The following RYR3 variants were observed in gnomAD, a reference collection of about 807,000 sequenced individuals.
RYR3 encodes the protein ryanodine receptor 3.
A neutral mutation model predicts 584.3 loss-of-function variants in RYR3; 207 were observed. The ratio of observed to expected loss-of-function variants is 0.35; its 90% confidence interval spans 0.32 to 0.40. The LOEUF is 0.40. Among genes scored for constraint, RYR3 ranks in the 10% least tolerant of loss-of-function variants. RYR3 has a pLI of 1.00. For missense variants in RYR3, 5,616 were observed against 6,089.2 expected, an observed-to-expected ratio of 0.92 and a Z score of 2.59; for synonymous variants, 2,416 against 2,248.5, an observed-to-expected ratio of 1.07 and a Z score of -2.11.
chr15:33,812,306 T>C (rs1395676386), intron 72 of RYR3, among the ~76,000 whole-genome samples: 1 of 151,848 alleles, frequency 6.6e-6, no homozygotes, highest in Non-Finnish European at 1.5e-5. Flanking sequence ...CATCAGGAAA[T>C]CTACTAGTAG....
At chr15:33,552,122 A>G (rs1403485570) in intron 10 of RYR3, among the ~76,000 whole-genome samples, 1 of 152,166 alleles carries the variant, frequency 6.6e-6, no homozygotes, top group Non-Finnish European at 1.5e-5. Context: ...CCATTTCAAA[A>G]AGGGGCTTTT....
chr15:33,768,723 C>G lies in RYR3; in HGVS notation c.8755+16C>G. The G allele has an allele frequency of 1.2e-6, 2 of 1,612,332 alleles. No homozygotes were observed. Among genetic ancestry groups the G allele is most frequent in the Non-Finnish European group, 1.7e-6 (2 of 1,178,332 alleles). On this transcript the variant is annotated intron_variant, in intron 61 of 103. Transcript: ENST00000634891. Reference sequence around the variant, plus strand: ...TCCCTCTTTGGTAAGTGAAGTGTTGCTCAAGGTACCGCTCCTCCCTGTAAT... The same window carrying G: ...TCCCTCTTTGGTAAGTGAAGTGTTGGTCAAGGTACCGCTCCTCCCTGTAAT...
intron 2 of RYR3, among the ~76,000 whole-genome samples, chr15:33,500,570 T>C (rs1369636510): frequency 5.3e-5 from 8 of 152,134 alleles, no homozygotes; most frequent in African/African-American, 1.2e-4. Flanking sequence ...AGTGCTTCTC[T>C]AGGTTCAGGG....
chr15:33,312,063 C>T (rs904774516), intron 1 of RYR3, among the ~76,000 whole-genome samples: 6 of 152,222 alleles, frequency 3.9e-5, no homozygotes, highest in East Asian at 1.9e-4. Context: ...ATGTAACCAG[C>T]GTTTCAGGGT....
chr15:33,429,056 G>A (rs1474947707), intron 1 of RYR3, among the ~76,000 whole-genome samples: 5 of 152,258 alleles, frequency 3.3e-5, no homozygotes. Flanking sequence ...TTTGTTTAGT[G>A]GGCGGGCACT....
chr15:33,550,381 G>A lies in RYR3; in HGVS notation c.972+65G>A, dbSNP rs2056593551. ...GTGAAAACTCAGAAACCTCCAGGCA[G>A]AACTATAACTGGAAAAGAAAGTAGG... On this transcript the variant is annotated intron_variant, in intron 10 of 103. Coordinates refer to ENST00000634891, the MANE Select transcript of RYR3 (RefSeq NM_001036.6). 2.1e-6 allele frequency: 3 copies of A among 1,458,816 alleles called. No homozygotes were observed. In the African/African-American group the frequency reaches 4.3e-5, roughly 21 times the overall value. 90.4% of individuals were successfully genotyped at this position (1,458,816 alleles called of 1,614,324 possible). A position where few individuals can be genotyped will look rare whatever the true frequency, so the allele number is the denominator to read the frequency against.
At position 33,785,742 on chromosome 15, in the gene RYR3, C is replaced by T; in HGVS notation, c.9349C>T (p.Leu3117=). Residue 3117 remains leucine (L), a synonymous_variant, in exon 66 of 104, where the codon CTG becomes TTG. Transcript: ENST00000634891. ...AGGCCTGATGAAGGAAATCAACGAC[C>T]TGGCCGAGTCAGGGGCCCGGTACAC... ...LEGLMKEIND[L]AESGARYTEM... 6.2e-7 allele frequency: 1 copy of T among 1,613,926 alleles called. No individual in the cohort carries two copies.
At chr15:33,855,226 C>G (rs1030350291) in intron 98 of RYR3, among the ~76,000 whole-genome samples, 2 of 151,058 alleles carry the variant, frequency 1.3e-5, no homozygotes, top group African/African-American at 2.4e-5. Context: ...GTGACGGTGT[C>G]TCGCTGTGTA....
chr15:33,591,960 G>A (rs1020134739), intron 16 of RYR3, among the ~76,000 whole-genome samples: 5 of 152,198 alleles, frequency 3.3e-5, no homozygotes, highest in South Asian at 2.1e-4. Flanking sequence ...CAGTGTTTCC[G>A]TAGGTATTTA....
chr15:33,756,316 C>A lies in RYR3; in HGVS notation c.8526C>A (p.Val2842=). The part of the protein sequence containing the change: ...QEFIAHLEAI[V]SSGKTEKSPR... ...CCTGTGTCTTCGTAGAAGCCATTGT[C>A]AGCAGTGGGAAAACTGAAAAGTCTC... Residue 2842 remains valine (V), a synonymous_variant, in exon 59 of 104, where the codon GTC becomes GTA. Transcript: ENST00000634891. 6.3e-7 allele frequency: 1 copy of A among 1,578,178 alleles called. No homozygotes were observed. The highest frequency in any genetic ancestry group is 8.6e-7 in the Non-Finnish European group (1 of 1,160,896).
chr15:33,490,776 G>A (rs2050902075), intron 2 of RYR3, among the ~76,000 whole-genome samples: 1 of 150,262 alleles, frequency 6.7e-6, no homozygotes, highest in Non-Finnish European at 1.5e-5. Flanking sequence ...AGAAAGATGA[G>A]AACTTTTTGA....
At chr15:33,654,917 G>A (rs942807821) in intron 32 of RYR3, among the ~76,000 whole-genome samples, 1 of 152,252 alleles carries the variant, frequency 6.6e-6, no homozygotes, top group African/African-American at 2.4e-5. Context: ...GTTGGAGAGA[G>A]GGGGTAAGGT....
At chr15:33,836,840 C>A in intron 87 of RYR3, 66 bp from the exon 88 acceptor site, 4 of 1,304,942 alleles carry the variant, frequency 3.1e-6, no homozygotes, top group Non-Finnish European at 4.4e-6. Flanking sequence ...AGGCTCTTCT[C>A]GCTCACTGCC....
At chr15:33,473,921 C>T (rs1233261795) in intron 2 of RYR3, among the ~76,000 whole-genome samples, 1 of 152,182 alleles carries the variant, frequency 6.6e-6, no homozygotes, top group Non-Finnish European at 1.5e-5. Flanking sequence ...CAGAGACTCA[C>T]AGATGCCTGA....
intron 42 of RYR3, among the ~76,000 whole-genome samples, chr15:33,702,748 C>T (rs2152776698): frequency 6.6e-6 from 1 of 152,120 alleles, no homozygotes; most frequent in African/African-American, 2.4e-5. Context: ...GAAGCATAGC[C>T]AGGCCAGAGC....
At chr15:33,770,927 T>C (rs7497692) in intron 62 of RYR3, among the ~76,000 whole-genome samples, 26,735 of 152,210 alleles carry the variant, frequency 0.18, 2,609 homozygotes, top group South Asian at 0.28. Context: ...ACAAAACTTA[T>C]AGATGACTTG....
chr15:33,393,477 G>C (rs1444955391), intron 1 of RYR3, among the ~76,000 whole-genome samples: 2 of 152,158 alleles, frequency 1.3e-5, no homozygotes, highest in Non-Finnish European at 1.5e-5. Flanking sequence ...TGGGAAGAAA[G>C]GGAGAAAGAC....
At chr15:33,643,280 TC>T (rs1466806173) in intron 27 of RYR3, among the ~76,000 whole-genome samples, 1 of 152,132 alleles carries the variant, frequency 6.6e-6, no homozygotes, top group African/African-American at 2.4e-5. Flanking sequence ...CCTCCAGCGG[TC>T]CTCCAGCCAC....
chr15:33,364,174 C>T (rs908475145), intron 1 of RYR3, among the ~76,000 whole-genome samples: 5 of 152,064 alleles, frequency 3.3e-5, no homozygotes, highest in African/African-American at 1.2e-4. Context: ...AAATTTACTT[C>T]ACCTGTTTAT....
Sources: gnomAD v4.1 joint callset for allele counts (sites outside exome capture counted in the v4.1 genomes callset) on GRCh38, gnomAD v4.1.1 for gene constraint, MANE v1.5 for transcripts, NCBI Gene and HGNC (gene_info 2026-07-23, HGNC 2026-07-21) for gene names.